The following ABAT variants were observed in gnomAD, a reference collection of about 807,000 sequenced individuals.
ABAT encodes the protein 4-aminobutyrate aminotransferase, also known as 4-aminobutyrate aminotransferase, mitochondrial.
ABAT carries 45 observed loss-of-function variants against 64.6 expected under a neutral mutation model. The ratio of observed to expected loss-of-function variants is 0.70; its 90% CI spans 0.55 to 0.89. ABAT has a LOEUF of 0.89. ABAT is among the 40% of genes least tolerant of loss of function. ABAT has a pLI of 0.00. For synonymous variants in ABAT, 297 were observed against 250.5 expected (o/e 1.19, Z -1.75); for missense variants, 633 against 658.4 (o/e 0.96, Z 0.42).
chr16:8,753,559 T>A (rs2059554094), intron 5 of ABAT, among the ~76,000 whole-genome samples: 2 of 152,176 alleles, frequency 1.3e-5, no homozygotes, highest in South Asian at 4.1e-4. Context: ...GCACGCCACA[T>A]CTGAGGCTTA....
intron 12 of ABAT, among the ~76,000 whole-genome samples, chr16:8,773,159 T>TATA (rs201690433): frequency 7.9e-5 from 8 of 100,698 alleles, no homozygotes; most frequent in South Asian, 3.3e-4. Context: ...TATATATATA[T>TATA]TTTTTTTTTT....
chr16:8,707,914 A>G (rs1336641274), intron 1 of ABAT, among the ~76,000 whole-genome samples: 1 of 152,208 alleles, frequency 6.6e-6, no homozygotes, highest in Non-Finnish European at 1.5e-5. Flanking sequence ...TCCCAGAACC[A>G]GTCATGAAAC....
At chr16:8,749,429 C>T (rs539679973) in intron 4 of ABAT, among the ~76,000 whole-genome samples, 27 of 92,412 alleles carry the variant, frequency 2.9e-4, no homozygotes, top group African/African-American at 1.1e-3. Flanking sequence ...GATGAAGTCT[C>T]ACTCTGTCTC....
chr16:8,726,371 C>G (rs887573181), intron 1 of ABAT, among the ~76,000 whole-genome samples: 2 of 150,042 alleles, frequency 1.3e-5, no homozygotes, highest in African/African-American at 4.9e-5. Context: ...AGCGATTCTC[C>G]TGCCTCAGCC....
intron 1 of ABAT, among the ~76,000 whole-genome samples, chr16:8,692,849 C>A (rs964623423): frequency 4.6e-5 from 7 of 152,126 alleles, no homozygotes; most frequent in African/African-American, 1.7e-4. Context: ...TTTGAAGGAT[C>A]CAAAGGTACC....
chr16:8,764,247 C>T lies in ABAT; in HGVS notation c.447+98C>T. The T allele has an allele frequency of 1.9e-6, 2 of 1,049,686 alleles. No homozygotes were observed. The highest frequency in any genetic ancestry group is 1.8e-5 in the Admixed American group (1 of 54,596). The allele number at this position is 1,049,686 out of a possible 1,614,324, so 65.0% of individuals were successfully genotyped here. On this transcript the variant is annotated intron_variant, in intron 7 of 15. Transcript: ENST00000268251. This position sits in a 1 kb window ranked among gnomAD's most constrained non-coding sequence, Gnocchi z 4.2. ...AACAATGAAGAATAAGGTGTTGCTA[C>T]AGAAATCTTTCTCTCTGAGCTTATT...
intron 6 of ABAT, among the ~76,000 whole-genome samples, chr16:8,758,327 G>C (rs1192536342): frequency 6.6e-6 from 1 of 152,210 alleles, no homozygotes; most frequent in Non-Finnish European, 1.5e-5. Flanking sequence ...GTGGGTGTCA[G>C]GGAGGCTTCC....
chr16:8,716,234 A>T (rs2058212946), intron 1 of ABAT, among the ~76,000 whole-genome samples: 1 of 152,194 alleles, frequency 6.6e-6, no homozygotes, highest in African/African-American at 2.4e-5. Flanking sequence ...TACTAAAGAT[A>T]CTACATGGCT....
intron 14 of ABAT, 84 bp from the exon 15 acceptor site, chr16:8,779,395 G>A: frequency 1.7e-6 from 2 of 1,143,582 alleles, no homozygotes; most frequent in Admixed American, 3.6e-5. Context: ...GACCATGGGA[G>A]GCCTTTGACG....
intron 2 of ABAT, chr16:8,738,566 A>G (rs2059053402): frequency 2.6e-6 from 1 of 390,438 alleles, no homozygotes; most frequent in Admixed American, 3.4e-5. Flanking sequence ...GAAGTTATCA[A>G]TGGCTTTTGA....
At chr16:8,737,988 GGAGGAAAGAAA>G (rs2059014053) in intron 2 of ABAT, among the ~76,000 whole-genome samples, 2 of 51,776 alleles carry the variant, frequency 3.9e-5, no homozygotes, top group African/African-American at 2.2e-4. Context: ...AAGGAAGGAA[GGAGGAAAGAAA>G]GAAAGAAAGA....
intron 1 of ABAT, among the ~76,000 whole-genome samples, chr16:8,690,967 C>G (rs1245107450): frequency 6.6e-6 from 1 of 152,098 alleles, no homozygotes; most frequent in African/African-American, 2.4e-5. Flanking sequence ...GGAGTTAACA[C>G]TGCTTCAGGG....
At chr16:8,725,590 T>C (rs58352068) in intron 1 of ABAT, among the ~76,000 whole-genome samples, 11,293 of 152,328 alleles carry the variant, frequency 0.074, 678 homozygotes, top group East Asian at 0.35. Context: ...GTTGTAAGGA[T>C]AGACCATGTT....
At position 8,761,672 on chromosome 16, in the gene ABAT, C is replaced by G. The variant is rs943171744; in HGVS notation, c.367-2397C>G. ...CTGACCTCCACGGGCTAAAAGGTTT[C>G]CAGCAGGACATGCCCAGGGCAGTAG... On this transcript the variant is annotated intron_variant, in intron 6 of 15. Coordinates refer to ENST00000268251, the MANE Select transcript of ABAT (RefSeq NM_020686.6). Among the ~76,000 whole-genome samples the G allele has an allele frequency of 2.6e-5, 4 of 152,200 alleles. No homozygotes were observed. The South Asian group carries it at 8.3e-4, about 31-fold the overall frequency.
intron 4 of ABAT, among the ~76,000 whole-genome samples, chr16:8,749,081 T>G (rs2142696490): frequency 6.6e-6 from 1 of 151,836 alleles, no homozygotes; most frequent in East Asian, 1.9e-4. Flanking sequence ...CTTTTGTTCT[T>G]TTGTTCCTCT....
At chr16:8,741,311 T>G (rs12445730) in intron 2 of ABAT, among the ~76,000 whole-genome samples, 77,064 of 152,092 alleles carry the variant, frequency 0.51, 20,459 homozygotes, top group Admixed American at 0.59. Context: ...TTGCTGCAAA[T>G]GTTTCATTCA....
intron 6 of ABAT, 93 bp from the exon 7 acceptor site, chr16:8,763,975 TA>T: frequency 9.7e-7 from 1 of 1,035,730 alleles, no homozygotes; most frequent in Non-Finnish European, 1.5e-6. Flanking sequence ...ATTTGGAGGC[TA>T]TTTGAACACA....
At position 8,743,118 on chromosome 16, in the gene ABAT, C is replaced by G. The variant is rs1641004; in HGVS notation, c.71-2883C>G. On this transcript the variant is annotated intron_variant, in intron 2 of 15. Coordinates refer to ENST00000268251, the MANE Select transcript of ABAT (RefSeq NM_020686.6). The stretch of plus-strand genomic sequence containing the variant: ...CAGATCAAAGAGAAGAAAATAAAAG[C>G]TGTTTTTCTTCATCCTTATATAAGT... Among the ~76,000 whole-genome samples the G allele has an allele frequency of 4.5e-3, 679 of 149,908 alleles. 5 individuals are homozygous for G. The highest frequency in any genetic ancestry group is 0.014 in the South Asian group (65 of 4,756).
intron 4 of ABAT, among the ~76,000 whole-genome samples, 159 bp downstream of exon 4, chr16:8,748,296 C>T (rs1416447102): frequency 3.9e-5 from 6 of 152,066 alleles, no homozygotes; most frequent in South Asian, 2.1e-4. Context: ...TTCTTTGACC[C>T]ATTAGTTACT....
Sources: gnomAD v4.1 joint callset for allele counts (sites outside exome capture counted in the v4.1 genomes callset) on GRCh38, gnomAD v4.1.1 for gene constraint, Gnocchi (gnomAD v3.1) non-coding constraint, MANE v1.5 for transcripts, NCBI Gene and HGNC (gene_info 2026-07-23, HGNC 2026-07-21) for gene names.